The following DPP6 variants were observed in gnomAD, a reference collection of about 807,000 sequenced individuals.
DPP6 encodes A-type potassium channel modulatory protein DPP6.
DPP6 carries 69 observed loss-of-function variants against 122.6 expected under a neutral mutation model. The observed-to-expected ratio is 0.56, with a 90% CI of 0.46 to 0.69. The LOEUF (loss-of-function observed/expected upper bound fraction) is 0.69, where lower values mean the gene tolerates loss of function less well. Ranked by LOEUF, DPP6 falls within the 30% of genes least tolerant of loss-of-function variation. DPP6 has a pLI of 0.00. For missense variants in DPP6, 928 were observed against 1,116.9 expected (o/e 0.83, Z 2.41); for synonymous variants, 418 against 433.1 (o/e 0.97, Z 0.43).
intron 11 of DPP6, 113 bp from the exon 12 acceptor site, chr7:154,795,732 G>C: frequency 6.8e-7 from 1 of 1,461,760 alleles, no homozygotes; most frequent in Non-Finnish European, 9.2e-7. Flanking sequence ...CAGCGGCCAT[G>C]TAGGTGAAGC....
At chr7:154,734,227 G>A (rs959723158) in intron 8 of DPP6, among the ~76,000 whole-genome samples, 3 of 152,206 alleles carry the variant, frequency 2.0e-5, no homozygotes, top group South Asian at 2.1e-4. Context: ...TCCTGGCTTC[G>A]CCTCCTGAGC....
intron 1 of DPP6, among the ~76,000 whole-genome samples, chr7:154,087,525 C>A (rs112922279): frequency 0.13 from 19,198 of 152,158 alleles, 1,604 homozygotes; most frequent in Middle Eastern, 0.19. Flanking sequence ...AGGCCAGGGA[C>A]CTTGGAAGGA....
chr7:154,078,353 C>G (rs1585326351), intron 1 of DPP6, among the ~76,000 whole-genome samples: 2 of 4,494 alleles, frequency 4.5e-4, no homozygotes. Context: ...TGCATATGTA[C>G]ACACACACAC....
intron 1 of DPP6, among the ~76,000 whole-genome samples, chr7:154,302,883 G>A (rs1479855800): frequency 6.6e-6 from 1 of 152,102 alleles, no homozygotes; most frequent in Non-Finnish European, 1.5e-5. Context: ...TCACCCCTGG[G>A]TCAAGCCCAT....
chr7:154,813,916 T>C (rs566597586), intron 16 of DPP6, among the ~76,000 whole-genome samples: 6 of 147,902 alleles, frequency 4.1e-5, no homozygotes, highest in Admixed American at 1.4e-4. Context: ...GTTTTGTTCT[T>C]GTCACCCAGG....
At chr7:154,236,263 A>G (rs1193452849) in intron 1 of DPP6, among the ~76,000 whole-genome samples, 1 of 152,226 alleles carries the variant, frequency 6.6e-6, no homozygotes, top group Non-Finnish European at 1.5e-5. Flanking sequence ...TACCTGGTAC[A>G]TTTTAAACAC....
chr7:154,361,845 A>G (rs1464459615), intron 1 of DPP6, among the ~76,000 whole-genome samples: 1 of 152,266 alleles, frequency 6.6e-6, no homozygotes, highest in Non-Finnish European at 1.5e-5. Context: ...GAATTGGAGT[A>G]GAAGAAGTAG....
intron 8 of DPP6, among the ~76,000 whole-genome samples, chr7:154,754,093 AT>A (rs1843538851): frequency 6.6e-6 from 1 of 151,958 alleles, no homozygotes; most frequent in African/African-American, 2.4e-5. Context: ...GATATCCATT[AT>A]TTTTCAATGT....
At chr7:154,641,492 C>G (rs1002963939) in intron 6 of DPP6, among the ~76,000 whole-genome samples, 4 of 152,146 alleles carry the variant, frequency 2.6e-5, no homozygotes, top group African/African-American at 9.7e-5. Flanking sequence ...TTTTTGTAGA[C>G]TTGGCTACTG....
At chr7:154,656,526 C>T (rs957942149) in intron 6 of DPP6, among the ~76,000 whole-genome samples, 5 of 152,060 alleles carry the variant, frequency 3.3e-5, no homozygotes, top group Admixed American at 2.0e-4. Flanking sequence ...TTTGGCACCT[C>T]GATGGACACA....
intron 1 of DPP6, among the ~76,000 whole-genome samples, chr7:154,105,953 C>A (rs4067493): frequency 1.4e-5 from 2 of 144,950 alleles, no homozygotes; most frequent in African/African-American, 2.8e-5. Context: ...CTCGCTTTCC[C>A]ATCTCACTTT....
intron 1 of DPP6, among the ~76,000 whole-genome samples, chr7:154,000,123 T>C (rs1370194797): frequency 6.8e-6 from 1 of 147,520 alleles, no homozygotes; most frequent in Non-Finnish European, 1.5e-5. Context: ...GTTCCGGGCA[T>C]GATAATATTT....
At chr7:154,458,347 C>T (rs1420276528) in intron 2 of DPP6, among the ~76,000 whole-genome samples, 1 of 152,166 alleles carries the variant, frequency 6.6e-6, no homozygotes, top group African/African-American at 2.4e-5. Flanking sequence ...TAAGATGTGC[C>T]TTTGCTCCTC....
intron 1 of DPP6, among the ~76,000 whole-genome samples, chr7:154,396,013 A>G (rs890884767): frequency 6.6e-6 from 1 of 151,264 alleles, no homozygotes; most frequent in Non-Finnish European, 1.5e-5. Flanking sequence ...ATCAATTGAG[A>G]TTATTACATT....
chr7:154,044,688 A>T (rs1799932366), intron 1 of DPP6, among the ~76,000 whole-genome samples: 1 of 152,254 alleles, frequency 6.6e-6, no homozygotes, highest in African/African-American at 2.4e-5. Context: ...ACGGTGAAAA[A>T]TAAAATGGAT....
At chr7:153,803,003 G>A in the DPP6 span, among the ~76,000 whole-genome samples, 15 of 151,060 alleles carry the variant, frequency 9.9e-5, no homozygotes, top group Non-Finnish European at 1.9e-4. Context: ...AGAAAAACAT[G>A]CTTCAGATTC....
chr7:154,796,097 G>T, intron 12 of DPP6: 3 of 674,524 alleles, frequency 4.4e-6, no homozygotes, highest in South Asian at 3.0e-5. Context: ...TCCAGGGAGG[G>T]TCGTGTGAAA....
intron 1 of DPP6, among the ~76,000 whole-genome samples, chr7:153,916,244 A>T (rs908277278): frequency 3.2e-4 from 49 of 151,808 alleles, no homozygotes; most frequent in African/African-American, 1.2e-3. Flanking sequence ...AAGTGCTGGG[A>T]TTACAGGCGT....
chr7:154,239,164 C>T (rs895909417), intron 1 of DPP6, among the ~76,000 whole-genome samples: 3 of 152,232 alleles, frequency 2.0e-5, no homozygotes, highest in African/African-American at 7.2e-5. Context: ...TGGTACCGAG[C>T]TTCAGACACT....
Sources: gnomAD v4.1 joint callset for allele counts (sites outside exome capture counted in the v4.1 genomes callset) on GRCh38, gnomAD v4.1.1 for gene constraint, MANE v1.5 for transcripts, NCBI Gene and HGNC (gene_info 2026-07-23, HGNC 2026-07-21) for gene names.